The following PDE3B variants were observed in gnomAD, a reference collection of about 807,000 sequenced individuals.
The protein encoded by PDE3B is phosphodiesterase 3B.
Under a neutral mutation model 116.8 loss-of-function variants are expected in PDE3B, and 66 were observed. The ratio of observed to expected loss-of-function variants is 0.56; its 90% CI spans 0.46 to 0.69. The LOEUF is 0.69. PDE3B is among the 30% of genes least tolerant of loss of function. The pLI is 0.00. For missense variants in PDE3B, 1,384 were observed against 1,368.1 expected (o/e 1.01, Z -0.18); for synonymous variants, 595 against 533.6 (o/e 1.12, Z -1.59).
chr11:14,792,061 T>C lies in PDE3B; in HGVS notation c.1415+2819T>C, dbSNP rs75267805. Among the ~76,000 whole-genome samples, 119 of 152,244 alleles carry C rather than the reference T, an allele frequency of 7.8e-4. No individual in the cohort carries two copies. In the East Asian group the frequency reaches 0.016, roughly 21 times the overall value. ...TCACATACAGAGAGCTGACTATGTA[T>C]AGTTTGTCTAGTCATTGCATTTTTG... On this transcript the variant is annotated intron_variant, in intron 4 of 15. Coordinates refer to ENST00000282096, the MANE Select transcript of PDE3B (RefSeq NM_000922.4).
intron 1 of PDE3B, among the ~76,000 whole-genome samples, chr11:14,722,558 C>A (rs971405655): frequency 6.6e-6 from 1 of 152,110 alleles, no homozygotes; most frequent in Non-Finnish European, 1.5e-5. Context: ...AGCAATTTTA[C>A]AAATAATAGA....
intron 4 of PDE3B, among the ~76,000 whole-genome samples, chr11:14,801,217 T>C (rs1858751637): frequency 6.6e-6 from 1 of 152,148 alleles, no homozygotes; most frequent in Admixed American, 6.5e-5. Context: ...TTGTGATTAT[T>C]TGGAGAAGAG....
intron 1 of PDE3B, among the ~76,000 whole-genome samples, chr11:14,649,160 T>TC (rs1258953137): frequency 6.6e-6 from 1 of 152,144 alleles, no homozygotes; most frequent in Non-Finnish European, 1.5e-5. Flanking sequence ...TCAGACTCTG[T>TC]CCTCCTCAGT....
At chr11:14,878,998 G>T in the PDE3B span, 1 of 852,726 alleles carries the variant, frequency 1.2e-6, no homozygotes, top group Non-Finnish European at 1.9e-6. Context: ...TCAGTTCTGT[G>T]TTTTTAGAAT....
At chr11:14,856,405 A>G (rs550046212) in intron 12 of PDE3B, among the ~76,000 whole-genome samples, 13 of 152,322 alleles carry the variant, frequency 8.5e-5, no homozygotes, top group African/African-American at 3.1e-4. Context: ...GCTGTTTGTC[A>G]AGACTATTTC....
chr11:14,759,896 G>A (rs988408558), intron 1 of PDE3B, among the ~76,000 whole-genome samples: 2 of 152,098 alleles, frequency 1.3e-5, no homozygotes, highest in African/African-American at 4.8e-5. Flanking sequence ...AGGAGGCTAA[G>A]TAGTAAGAAG....
At chr11:14,654,630 A>G (rs538408422) in intron 1 of PDE3B, among the ~76,000 whole-genome samples, 3 of 152,344 alleles carry the variant, frequency 2.0e-5, no homozygotes, top group Non-Finnish European at 2.9e-5. Context: ...ATTATTAACA[A>G]TGTCTTCTAA....
At chr11:14,804,486 G>T (rs901858926) in intron 5 of PDE3B, among the ~76,000 whole-genome samples, 2 of 151,768 alleles carry the variant, frequency 1.3e-5, no homozygotes, top group African/African-American at 4.8e-5. Flanking sequence ...ATTATAGAAT[G>T]ATTAAAAACT....
chr11:14,814,577 T>A (rs1859257187), intron 5 of PDE3B, among the ~76,000 whole-genome samples: 1 of 151,970 alleles, frequency 6.6e-6, no homozygotes, highest in African/African-American at 2.4e-5. Flanking sequence ...CAGGGAAAAA[T>A]TTCCGTAACA....
At chr11:14,892,083 C>G in the PDE3B span, 5 of 1,611,668 alleles carry the variant, frequency 3.1e-6, no homozygotes, top group Non-Finnish European at 4.2e-6. Flanking sequence ...CCGGCGGCCC[C>G]GGGGGGAAGC....
chr11:14,878,864 G>C, the PDE3B span, among the ~76,000 whole-genome samples: 1 of 151,932 alleles, frequency 6.6e-6, no homozygotes, highest in Non-Finnish European at 1.5e-5. Flanking sequence ...CACAAGTTTT[G>C]AAAAACAGAT....
intron 1 of PDE3B, among the ~76,000 whole-genome samples, chr11:14,767,340 T>G (rs1055661797): frequency 1.3e-5 from 2 of 151,528 alleles, no homozygotes; most frequent in African/African-American, 2.4e-5. Flanking sequence ...TAGTTGCTAT[T>G]GTATGTGCTA....
chr11:14,674,205 G>A, intron 1 of PDE3B: 1 of 1,257,448 alleles, frequency 8.0e-7, no homozygotes, highest in South Asian at 1.2e-5. Context: ...CATTTCCAGG[G>A]GTTTTCTGTT....
At chr11:14,825,809 A>G (rs1007152075) in intron 7 of PDE3B, among the ~76,000 whole-genome samples, 8 of 152,166 alleles carry the variant, frequency 5.3e-5, no homozygotes, top group African/African-American at 1.9e-4. Context: ...AGAACTCTCC[A>G]CTCAAAAACA....
rs372193909 is a variant in PDE3B, at chr11:14,850,084, G to A, written c.2520+6058G>A. 8.6e-5 allele frequency among the ~76,000 whole-genome samples: 13 copies of A among 151,822 alleles called. No individual in the cohort carries two copies. In the East Asian group the frequency reaches 1.7e-3, roughly 20 times the overall value. ...TTCACAATAGCAAAGACTTGGAACC[G>A]ACCCAAATGTCCAACAATGATAGAC... On this transcript the variant is annotated intron_variant, in intron 12 of 15. Coordinates refer to ENST00000282096, the MANE Select transcript of PDE3B (RefSeq NM_000922.4).
intron 4 of PDE3B, among the ~76,000 whole-genome samples, chr11:14,797,964 C>G (rs1858609244): frequency 2.6e-5 from 4 of 152,092 alleles, no homozygotes; most frequent in Admixed American, 2.0e-4. Context: ...CTTCCACTAC[C>G]ATGATGAATA....
Position 14,737,155 on chromosome 11 carries a change from C to A in PDE3B, c.979-34782C>A, listed in dbSNP as rs576391647. ...ATGTGATACATAAAAAGCACAATGT[C>A]AGTGATAGATAAATAGCTAGAGAGA... On this transcript the variant is annotated intron_variant, in intron 1 of 15. Transcript: ENST00000282096. Among the ~76,000 whole-genome samples, 71 of 150,782 alleles carry A rather than the reference C, an allele frequency of 4.7e-4. 1 individual carries two copies. The highest frequency in any genetic ancestry group is 1.6e-3 in the African/African-American group (66 of 41,254).
At chr11:14,888,300 A>G in the PDE3B span, among the ~76,000 whole-genome samples, 1 of 152,228 alleles carries the variant, frequency 6.6e-6, no homozygotes, top group Non-Finnish European at 1.5e-5. Context: ...TATCTCTAGC[A>G]CCTAGGACAG....
intron 5 of PDE3B, among the ~76,000 whole-genome samples, chr11:14,810,056 G>A (rs1369119553): frequency 6.6e-6 from 1 of 151,960 alleles, no homozygotes; most frequent in African/African-American, 2.4e-5. Context: ...TACAATTTAG[G>A]TGTTCAAAAT....
Sources: gnomAD v4.1 joint callset for allele counts (sites outside exome capture counted in the v4.1 genomes callset) on GRCh38, gnomAD v4.1.1 for gene constraint, MANE v1.5 for transcripts, NCBI Gene and HGNC (gene_info 2026-07-23, HGNC 2026-07-21) for gene names.